The following SH3D19 variants were observed in gnomAD, a reference collection of about 807,000 sequenced individuals.
SH3D19 encodes SH3 domain-containing protein 19.
Under a neutral mutation model 112.1 loss-of-function variants are expected in SH3D19, and 58 were observed. The ratio of observed to expected loss-of-function variants is 0.52; its 90% confidence interval spans 0.42 to 0.64. The LOEUF (loss-of-function observed/expected upper bound fraction) is 0.64. Ranked by LOEUF, SH3D19 falls within the 30% of genes least tolerant of loss-of-function variation. The pLI is 0.00. For missense variants in SH3D19, 1,090 were observed against 1,263.4 expected (o/e 0.86, Z 2.08); for synonymous variants, 391 against 448.5 (o/e 0.87, Z 1.62).
At chr4:151,149,000 T>G (rs1233034724) in intron 10 of SH3D19, among the ~76,000 whole-genome samples, 1 of 152,082 alleles carries the variant, frequency 6.6e-6, no homozygotes, top group Non-Finnish European at 1.5e-5. Context: ...ATCGCGCCAC[T>G]GTACTCCAGC....
intron 1 of SH3D19, among the ~76,000 whole-genome samples, chr4:151,307,138 C>A (rs1434921655): frequency 6.6e-6 from 1 of 151,212 alleles, no homozygotes; most frequent in Non-Finnish European, 1.5e-5. Context: ...CCTGCCTCAG[C>A]CTCCCAAGTA....
chr4:151,205,259 CA>C (rs998856397), intron 2 of SH3D19, among the ~76,000 whole-genome samples: 1 of 152,224 alleles, frequency 6.6e-6, no homozygotes, highest in Non-Finnish European at 1.5e-5. Flanking sequence ...GCTTTTTGTG[CA>C]AGCTCTCATT....
chr4:151,159,488 G>T, intron 8 of SH3D19, 136 bp from the exon 9 acceptor site: 4 of 599,042 alleles, frequency 6.7e-6, no homozygotes, highest in Non-Finnish European at 1.2e-5. Context: ...ATGAGAAAGA[G>T]CTCCCAGCAA....
At chr4:151,280,025 G>T (rs1774043471) in intron 1 of SH3D19, 4 of 943,562 alleles carry the variant, frequency 4.2e-6, no homozygotes, top group South Asian at 2.1e-5. Context: ...CTTCATGAAT[G>T]AACCAAAAGA....
intron 4 of SH3D19, among the ~76,000 whole-genome samples, chr4:151,177,601 A>AC (rs1426561231): frequency 6.6e-6 from 1 of 152,214 alleles, no homozygotes; most frequent in African/African-American, 2.4e-5. Flanking sequence ...TGCCCACCTC[A>AC]GCCTCCCAAA....
intron 16 of SH3D19, 31 bp downstream of exon 16, chr4:151,133,003 T>C (rs760357943): frequency 1.0e-5 from 16 of 1,560,274 alleles, no homozygotes; most frequent in Non-Finnish European, 1.3e-5. Flanking sequence ...AATTAGGACA[T>C]AACATAATAA....
chr4:151,268,793 A>G (rs13131832), intron 1 of SH3D19, among the ~76,000 whole-genome samples: 122,742 of 140,324 alleles, frequency 0.87, 54,384 homozygotes, highest in Non-Finnish European at 0.96. Flanking sequence ...TGGCTGCATA[A>G]TATTCCATGG....
chr4:151,177,555 G>T (rs149942743), intron 4 of SH3D19, among the ~76,000 whole-genome samples: 29 of 152,152 alleles, frequency 1.9e-4, no homozygotes, highest in African/African-American at 6.7e-4. Flanking sequence ...CACCATATTG[G>T]TCAGGCTGAT....
chr4:151,236,459 G>A lies in SH3D19; in HGVS notation c.113-10373C>T, dbSNP rs936062104. ...GTGAAGCCAGCTGGGCTTCTGGGTC[G>A]GGTGGGGACTTGGAGAACTTTTCTG... On this transcript the variant is annotated intron_variant, in intron 1 of 19. Transcript: ENST00000604030. 3.9e-5 allele frequency among the ~76,000 whole-genome samples: 6 copies of A among 152,248 alleles called. No individual in the cohort carries two copies. The South Asian group carries it at 6.2e-4, about 16-fold the overall frequency.
At chr4:151,246,447 G>A (rs181473638) in intron 1 of SH3D19, among the ~76,000 whole-genome samples, 13 of 152,316 alleles carry the variant, frequency 8.5e-5, no homozygotes, top group Admixed American at 8.5e-4. Context: ...GCTACCATTG[G>A]TAGGAGTGGG....
chr4:151,180,929 A>ATTTTTTTTTTT (rs67090009), intron 3 of SH3D19, among the ~76,000 whole-genome samples: 3 of 132,026 alleles, frequency 2.3e-5, no homozygotes, highest in Non-Finnish European at 4.7e-5. Context: ...ATGCCCGGCT[A>ATTTTTTTTTTT]TTTTTTTTTT....
At chr4:151,264,089 G>C (rs1772584239) in intron 1 of SH3D19, among the ~76,000 whole-genome samples, 1 of 152,094 alleles carries the variant, frequency 6.6e-6, no homozygotes, top group South Asian at 2.1e-4. Context: ...ACAGGCATGG[G>C]CAACCATGCC....
chr4:151,199,733 G>A (rs1025881029), intron 2 of SH3D19, among the ~76,000 whole-genome samples: 1 of 152,146 alleles, frequency 6.6e-6, no homozygotes, highest in Non-Finnish European at 1.5e-5. Context: ...AAGCAAAAGA[G>A]CATGCATGAC....
intron 2 of SH3D19, among the ~76,000 whole-genome samples, chr4:151,216,694 C>CTGA (rs1767163913): frequency 6.6e-6 from 1 of 152,118 alleles, no homozygotes; most frequent in Non-Finnish European, 1.5e-5. Context: ...TAACTGCCTG[C>CTGA]TGATAGTTTA....
At chr4:151,279,240 ATT>A in intron 1 of SH3D19, 3 of 207,252 alleles carry the variant, frequency 1.4e-5, no homozygotes, top group South Asian at 6.6e-5. Flanking sequence ...TTCTTTTTCA[ATT>A]TTTTTTTTAG....
intron 2 of SH3D19, among the ~76,000 whole-genome samples, chr4:151,214,775 C>T (rs1766730632): frequency 8.0e-6 from 1 of 124,728 alleles, no homozygotes; most frequent in Non-Finnish European, 1.9e-5. Context: ...GACCCCCCCA[C>T]CTCCCTCCCG....
rs547591151 is a variant in SH3D19 at position 151,170,151 on chromosome 4, G to T, written c.1535-4455C>A. 2.6e-5 allele frequency among the ~76,000 whole-genome samples: 4 copies of T among 152,316 alleles called. No individual in the cohort carries two copies. In the South Asian group the frequency reaches 8.3e-4, roughly 32 times the overall value. ...AAGCTTTGGTTTGGCATGCCCAAAG[G>T]CACAGAAGGCTGCATACTTTGTTCA... On this transcript the variant is annotated intron_variant, in intron 7 of 19. Transcript: ENST00000604030.
intron 19 of SH3D19, among the ~76,000 whole-genome samples, chr4:151,125,109 G>GA (rs894720106): frequency 1.1e-4 from 16 of 151,840 alleles, no homozygotes; most frequent in Admixed American, 9.2e-4. Flanking sequence ...GATGTTAAAG[G>GA]AAAAAAAGGG....
At chr4:151,246,645 A>G (rs181190456) in intron 1 of SH3D19, among the ~76,000 whole-genome samples, 1 of 152,326 alleles carries the variant, frequency 6.6e-6, no homozygotes, top group Admixed American at 6.5e-5. Flanking sequence ...AAAATATACT[A>G]TACAGTTATG....
Sources: allele counts gnomAD v4.1 joint callset (sites outside exome capture counted in the v4.1 genomes callset), GRCh38; gene constraint gnomAD v4.1.1; transcripts MANE v1.5; gene names NCBI Gene and HGNC (gene_info 2026-07-23, HGNC 2026-07-21).